The following SLC8A1 variants were observed in gnomAD, a reference collection of about 807,000 sequenced individuals.
SLC8A1 encodes solute carrier family 8 member A1.
In SLC8A1, 18 loss-of-function variants were observed where a neutral mutation model predicts 68.3. That is an observed-to-expected ratio of 0.26 (90% CI 0.18 to 0.39). The LOEUF (loss-of-function observed/expected upper bound fraction) is 0.39, where lower values mean the gene tolerates loss of function less well. Among genes scored for constraint, SLC8A1 ranks in the 10% least tolerant of loss-of-function variants. SLC8A1 has a pLI of 1.00. For synonymous variants in SLC8A1, 475 were observed against 415.5 expected, an observed-to-expected ratio of 1.14 and a Z score of -1.74; for missense variants, 985 against 1,156.7, an observed-to-expected ratio of 0.85 and a Z score of 2.15.
intron 2 of SLC8A1, among the ~76,000 whole-genome samples, chr2:40,312,904 G>C (rs1489721312): frequency 6.6e-6 from 1 of 151,896 alleles, no homozygotes; most frequent in East Asian, 1.9e-4. Context: ...ATAATAAACT[G>C]AACATAAAGT....
chr2:40,138,779 A>G (rs1477452264), intron 7 of SLC8A1, among the ~76,000 whole-genome samples: 1 of 152,222 alleles, frequency 6.6e-6, no homozygotes, highest in East Asian at 1.9e-4. Context: ...AGTAAACATA[A>G]TAAAGTATAG....
chr2:40,247,542 G>A (rs982291105), intron 2 of SLC8A1, among the ~76,000 whole-genome samples: 1 of 152,010 alleles, frequency 6.6e-6, no homozygotes, highest in Admixed American at 6.6e-5. Context: ...ACCAGATGGT[G>A]TTACAAAAAT....
chr2:40,482,386 A>G (rs1415946141), intron 1 of SLC8A1, among the ~76,000 whole-genome samples: 4 of 152,182 alleles, frequency 2.6e-5, no homozygotes, highest in Non-Finnish European at 5.9e-5. Flanking sequence ...TTAAGAAAAC[A>G]AAGTTTAAAA....
upstream of SLC8A1, chr2:40,452,193 C>G (rs1337399533): frequency 6.8e-6 from 1 of 147,518 alleles, no homozygotes; most frequent in East Asian, 2.0e-4. Context: ...CCCGCGCACA[C>G]TCGCCCGCCC....
chr2:40,420,067 G>T (rs1458215195), intron 2 of SLC8A1, among the ~76,000 whole-genome samples: 1 of 152,072 alleles, frequency 6.6e-6, no homozygotes, highest in Non-Finnish European at 1.5e-5. Context: ...TTTTTTGTTT[G>T]TTCTTGTCCT....
intron 2 of SLC8A1, among the ~76,000 whole-genome samples, chr2:40,238,054 TTTTG>T (rs1053620555): frequency 2.0e-5 from 3 of 152,190 alleles, no homozygotes; most frequent in Non-Finnish European, 2.9e-5. Context: ...ACTGCTGTCT[TTTTG>T]TTTGTCTGTG....
rs897679490 is a variant in SLC8A1 at position 40,181,927 on chromosome 2, T to C, written c.1809-4072A>G. On this transcript the variant is annotated intron_variant, in intron 2 of 7. Transcript: ENST00000406785. The stretch of plus-strand genomic sequence containing the variant: ...TAGTATGGGGTTGGTTTGGTGAAGA[T>C]GTCGTTATTTTGGCTTGATAATCAG... Among the ~76,000 whole-genome samples, 7 of 152,330 alleles carry C rather than the reference T, an allele frequency of 4.6e-5. No individual in the cohort carries two copies. The South Asian group carries it at 1.4e-3, about 32-fold the overall frequency.
At chr2:40,201,103 C>G (rs1489998514) in intron 2 of SLC8A1, among the ~76,000 whole-genome samples, 1 of 151,150 alleles carries the variant, frequency 6.6e-6, no homozygotes, top group Admixed American at 6.6e-5. Flanking sequence ...ACGGAGACCC[C>G]CACTCCCTCA....
chr2:40,279,840 G>C (rs1040681913), intron 2 of SLC8A1, among the ~76,000 whole-genome samples: 3 of 152,118 alleles, frequency 2.0e-5, no homozygotes, highest in African/African-American at 4.8e-5. Flanking sequence ...AAAATCTGTA[G>C]CTCACCAATC....
chr2:40,449,836 G>A (rs964749058), intron 1 of SLC8A1, among the ~76,000 whole-genome samples: 2 of 152,084 alleles, frequency 1.3e-5, no homozygotes, highest in South Asian at 2.1e-4. Flanking sequence ...AATAAATAAT[G>A]GTTTATCTCT....
intron 1 of SLC8A1, among the ~76,000 whole-genome samples, chr2:40,441,202 T>C (rs1199169580): frequency 1.3e-5 from 2 of 152,018 alleles, no homozygotes; most frequent in African/African-American, 4.8e-5. Context: ...ATAAAATATT[T>C]GGGAACATAG....
chr2:40,293,715 A>G (rs1159366506), intron 2 of SLC8A1, among the ~76,000 whole-genome samples: 2 of 152,186 alleles, frequency 1.3e-5, no homozygotes, highest in Non-Finnish European at 1.5e-5. Context: ...AGGCAATTGA[A>G]AAGTCCTCGA....
At position 40,114,949 on chromosome 2, in the gene SLC8A1, T is replaced by C. The variant is rs5540; in HGVS notation, c.*304A>G. ...ACATTAACTACCTCCCCAGCTCCAC[T>C]GAAAACAAAACCAAAAACAAAACAA... is the stretch of plus-strand genomic sequence containing the variant. On this transcript the variant is annotated 3_prime_UTR_variant, in exon 8 of 8. Coordinates refer to ENST00000406785, the Ensembl canonical transcript of SLC8A1. The C allele has an allele frequency of 7.0e-3, 1,236 of 177,054 alleles. 11 individuals carry two copies. The highest frequency in any genetic ancestry group is 0.027 in the African/African-American group (1,154 of 42,376). 11.0% of individuals were successfully genotyped at this position (177,054 alleles called of 1,614,324 possible).
chr2:40,237,914 C>CTCGGGGG (rs2060624598), intron 2 of SLC8A1, among the ~76,000 whole-genome samples: 1 of 144,942 alleles, frequency 6.9e-6, no homozygotes, highest in Non-Finnish European at 1.5e-5. Flanking sequence ...AGTTAGGCTG[C>CTCGGGGG]TCGGGGGTCA....
intron 2 of SLC8A1, among the ~76,000 whole-genome samples, chr2:40,367,098 G>C (rs72798626): frequency 6.6e-6 from 1 of 151,922 alleles, no homozygotes; most frequent in Admixed American, 6.6e-5. Context: ...AAACCAAAGA[G>C]TCATAAGATC....
intron 7 of SLC8A1, among the ~76,000 whole-genome samples, chr2:40,138,174 G>C (rs2040879899): frequency 6.6e-6 from 1 of 152,162 alleles, no homozygotes; most frequent in African/African-American, 2.4e-5. Context: ...GGCTCAGAGA[G>C]GTGAAGTAAC....
At chr2:40,098,402 A>C (rs1377684728) in exon 8 of SLC8A1, 1 of 152,160 alleles carries the variant, frequency 6.6e-6, no homozygotes, top group African/African-American at 2.4e-5. Flanking sequence ...CACAACTTAA[A>C]TATTCTTGGT....
chr2:40,471,054 G>T (rs544411966), intron 1 of SLC8A1, among the ~76,000 whole-genome samples: 1 of 152,242 alleles, frequency 6.6e-6, no homozygotes, highest in East Asian at 1.9e-4. Flanking sequence ...TATCATCTGT[G>T]AAATTGCTGA....
intron 2 of SLC8A1, among the ~76,000 whole-genome samples, chr2:40,286,148 A>G (rs1206061521): frequency 2.0e-5 from 3 of 152,124 alleles, no homozygotes; most frequent in African/African-American, 7.2e-5. Context: ...CAGTCAATGA[A>G]TATAATTCCC....
Sources: allele counts gnomAD v4.1 joint callset (sites outside exome capture counted in the v4.1 genomes callset), GRCh38; gene constraint gnomAD v4.1.1; transcripts MANE v1.5; gene names NCBI Gene and HGNC (gene_info 2026-07-23, HGNC 2026-07-21).